The following ATP10B variants were observed in gnomAD, a reference collection of about 807,000 sequenced individuals.
ATP10B encodes ATPase phospholipid transporting 10B (putative).
ATP10B carries 122 observed loss-of-function variants against 141.2 expected under a neutral mutation model. The observed-to-expected ratio is 0.86, with a 90% CI of 0.75 to 1.00. The LOEUF is 1.00. ATP10B is among the 50% of genes least tolerant of loss of function. ATP10B has a pLI of 0.00. For synonymous variants in ATP10B, 685 were observed against 692.0 expected, an observed-to-expected ratio of 0.99 and a Z score of 0.16; for missense variants, 1,876 against 1,825.3, an observed-to-expected ratio of 1.03 and a Z score of -0.51.
At chr5:160,783,748 C>A (rs1770932200) in intron 2 of ATP10B, among the ~76,000 whole-genome samples, 1 of 151,800 alleles carries the variant, frequency 6.6e-6, no homozygotes. Context: ...GGGTAGATAC[C>A]TAGTAGTGGG....
chr5:160,817,247 G>GA (rs1163149496), intron 1 of ATP10B, among the ~76,000 whole-genome samples: 1 of 152,170 alleles, frequency 6.6e-6, no homozygotes, highest in East Asian at 1.9e-4. Flanking sequence ...TGTATATCTA[G>GA]AAAACTCCAT....
chr5:160,731,867 G>A (rs541842238), intron 2 of ATP10B, among the ~76,000 whole-genome samples: 1 of 152,230 alleles, frequency 6.6e-6, no homozygotes, highest in Non-Finnish European at 1.5e-5. Context: ...CCCAAAAACA[G>A]TTCAGTTCTA....
intron 2 of ATP10B, among the ~76,000 whole-genome samples, chr5:160,752,889 G>T (rs1261657488): frequency 2.6e-5 from 4 of 152,118 alleles, no homozygotes; most frequent in African/African-American, 9.7e-5. Context: ...GGGGTGTGTG[G>T]GGTTTGGTTG....
At chr5:160,622,247 A>AT (rs2127650857) in intron 14 of ATP10B, 147 bp downstream of exon 14, 1 of 741,954 alleles carries the variant, frequency 1.3e-6, no homozygotes, top group South Asian at 2.1e-5. Context: ...TAAGAGACCT[A>AT]TTCTAGGTTT....
intron 6 of ATP10B, among the ~76,000 whole-genome samples, chr5:160,670,932 C>T (rs554406687): frequency 1.3e-4 from 20 of 151,866 alleles, no homozygotes; most frequent in South Asian, 1.0e-3. Context: ...TTTGGGAGGC[C>T]GAGGTGGGTG....
chr5:160,619,657 G>C (rs950905434), intron 15 of ATP10B, among the ~76,000 whole-genome samples: 14 of 152,138 alleles, frequency 9.2e-5, no homozygotes, highest in African/African-American at 3.1e-4. Flanking sequence ...CCCCATAACT[G>C]TCTTCTCCTT....
chr5:160,586,308 TCA>T (rs1196608436), intron 24 of ATP10B, among the ~76,000 whole-genome samples: 1 of 152,250 alleles, frequency 6.6e-6, no homozygotes, highest in Non-Finnish European at 1.5e-5. Context: ...AGACATGACC[TCA>T]TTCTTTTTTA....
At chr5:160,690,148 AG>A (rs1454680907) in intron 3 of ATP10B, among the ~76,000 whole-genome samples, 1 of 152,246 alleles carries the variant, frequency 6.6e-6, no homozygotes, top group African/African-American at 2.4e-5. Flanking sequence ...AAAGCTGACT[AG>A]CCATATGCAG....
At chr5:160,842,626 T>A (rs183599553) in intron 1 of ATP10B, among the ~76,000 whole-genome samples, 5 of 152,144 alleles carry the variant, frequency 3.3e-5, no homozygotes, top group Non-Finnish European at 5.9e-5. Context: ...ACTGATATTT[T>A]AAAAATAATA....
At chr5:160,853,553 C>T (rs1301064039), upstream of ATP10B, among the ~76,000 whole-genome samples, 1 of 152,134 alleles carries the variant, frequency 6.6e-6, no homozygotes, top group Non-Finnish European at 1.5e-5. Flanking sequence ...CAGCTCTTTC[C>T]CATTATCACT....
At chr5:160,847,825 A>G (rs1360931421) in intron 1 of ATP10B, among the ~76,000 whole-genome samples, 1 of 152,158 alleles carries the variant, frequency 6.6e-6, no homozygotes, top group Non-Finnish European at 1.5e-5. Context: ...CATGGAAACC[A>G]TTGTCCTCAG....
At position 160,688,097 on chromosome 5, in the gene ATP10B, G is replaced by T. The variant is rs577848090; in HGVS notation, c.-20-3C>A. ...CATTTCCAGCAGCAGGCGAAGATCT[G>T]AAAACAGACACAGGAGGAGCTATGT... On this transcript the variant is annotated splice_polypyrimidine_tract_variant and splice_region_variant and intron_variant, in intron 4 of 25. Transcript: ENST00000327245. The T allele has an allele frequency of 2.8e-5, 45 of 1,605,098 alleles. No homozygotes were observed. In the South Asian group the frequency reaches 4.7e-4, roughly 17 times the overall value.
At chr5:160,597,891 A>G (rs1339562678) in intron 22 of ATP10B, among the ~76,000 whole-genome samples, 1 of 151,870 alleles carries the variant, frequency 6.6e-6, no homozygotes, top group East Asian at 1.9e-4. Context: ...AAGTCAGGAA[A>G]CAACAGATGC....
intron 2 of ATP10B, among the ~76,000 whole-genome samples, chr5:160,746,168 GTCTT>G (rs1767790954): frequency 6.6e-6 from 1 of 152,184 alleles, no homozygotes; most frequent in Admixed American, 6.5e-5. Flanking sequence ...CTCTACTGCT[GTCTT>G]TCTTACCCAC....
At chr5:160,885,318 T>C in the ATP10B span, among the ~76,000 whole-genome samples, 6 of 152,206 alleles carry the variant, frequency 3.9e-5, no homozygotes, top group Non-Finnish European at 7.3e-5. Context: ...GGCAGCACCC[T>C]GCATGGCCCA....
the ATP10B span, among the ~76,000 whole-genome samples, chr5:160,900,963 T>C: frequency 3.8e-4 from 52 of 138,394 alleles, no homozygotes; most frequent in African/African-American, 1.3e-3. Flanking sequence ...TCTTTCTGAC[T>C]AGCAGGTGGC....
At chr5:160,649,539 C>T (rs1029978868) in intron 7 of ATP10B, among the ~76,000 whole-genome samples, 1 of 152,206 alleles carries the variant, frequency 6.6e-6, no homozygotes, top group African/African-American at 2.4e-5. Flanking sequence ...TCTAATAGAA[C>T]TTACTGCAAT....
chr5:160,858,846 CTTCTT>C, the ATP10B span, among the ~76,000 whole-genome samples: 2 of 151,072 alleles, frequency 1.3e-5, no homozygotes, highest in African/African-American at 4.9e-5. Flanking sequence ...AAAAAATTTA[CTTCTT>C]TTCTCCTTCC....
chr5:160,781,373 A>C (rs1301313998), intron 2 of ATP10B, among the ~76,000 whole-genome samples: 1 of 152,064 alleles, frequency 6.6e-6, no homozygotes, highest in Non-Finnish European at 1.5e-5. Flanking sequence ...TTTTAGGTCA[A>C]TGCTGCTCTA....
Sources: gnomAD v4.1 joint callset for allele counts (sites outside exome capture counted in the v4.1 genomes callset) on GRCh38, gnomAD v4.1.1 for gene constraint, MANE v1.5 for transcripts, NCBI Gene and HGNC (gene_info 2026-07-23, HGNC 2026-07-21) for gene names.